The following RNF220 variants were observed in gnomAD, a reference collection of about 807,000 sequenced individuals.
RNF220 encodes the protein E3 ubiquitin-protein ligase RNF220.
Under a neutral mutation model 67.1 loss-of-function variants are expected in RNF220, and 7 were observed. The ratio of observed to expected loss-of-function variants is 0.10; its 90% CI spans 0.06 to 0.20. The LOEUF (loss-of-function observed/expected upper bound fraction) is 0.20, where lower values mean the gene tolerates loss of function less well. RNF220 is among the 10% of genes least tolerant of loss of function. The pLI is 1.00. For missense variants in RNF220, 565 were observed against 740.3 expected, an observed-to-expected ratio of 0.76 and a Z score of 2.75; for synonymous variants, 270 against 283.2, an observed-to-expected ratio of 0.95 and a Z score of 0.47.
At position 44,621,580 on chromosome 1, in the gene RNF220, C is replaced by T. The variant is rs1386548976; in HGVS notation, c.759-1162C>T. On this transcript the variant is annotated intron_variant, in intron 3 of 14. Transcript: ENST00000361799. The surrounding 1 kb of genome is among the most constrained non-coding windows in gnomAD (Gnocchi z 4.8). ...GTGCAGGTGAACATCCCTTCCCCTTCTCCCCTGTCCCCCACTGAGAGTCAC... is the reference window on the plus strand; with the variant it reads ...GTGCAGGTGAACATCCCTTCCCCTTTTCCCCTGTCCCCCACTGAGAGTCAC... Among the ~76,000 whole-genome samples the T allele has an allele frequency of 6.6e-6, 1 of 152,202 alleles. No homozygotes were observed. Among genetic ancestry groups the T allele is most frequent in the East Asian group, 1.9e-4 (1 of 5,194 alleles).
intron 8 of RNF220, among the ~76,000 whole-genome samples, chr1:44,639,781 CTTT>C (rs1381149075): frequency 6.6e-6 from 1 of 152,112 alleles, no homozygotes; most frequent in Non-Finnish European, 1.5e-5. Context: ...TTTTCTTTTC[CTTT>C]TTATTTATTT....
At chr1:44,607,098 C>G (rs1667319420) in intron 2 of RNF220, among the ~76,000 whole-genome samples, 2 of 152,198 alleles carry the variant, frequency 1.3e-5, no homozygotes, top group African/African-American at 4.8e-5. Flanking sequence ...CACGTCCAAT[C>G]CATCTGCCTC....
At chr1:44,509,828 A>G (rs1170163194) in intron 2 of RNF220, among the ~76,000 whole-genome samples, 1 of 132,966 alleles carries the variant, frequency 7.5e-6, no homozygotes, top group African/African-American at 2.7e-5. Flanking sequence ...CAGAGGCTGC[A>G]GTGAGCCAAG....
At position 44,434,855 on chromosome 1, in the gene RNF220, TA is replaced by T. The variant is rs77667821; in HGVS notation, c.625+22148del. On this transcript the variant is annotated intron_variant, in intron 2 of 14. Transcript: ENST00000361799. ...GGGCAACATAGCAACACTCCATTTC[TA>T]AAAAAAAAAAAAAATTAAAAATTAG... Among the ~76,000 whole-genome samples, 647 of 139,010 alleles carry T rather than the reference TA, an allele frequency of 4.7e-3. 6 individuals are homozygous for T. The highest frequency in any genetic ancestry group is 3.8e-3 in the Middle Eastern group (1 of 264). 91.2% of individuals were successfully genotyped at this position (139,010 alleles called of 152,430 possible).
intron 3 of RNF220, among the ~76,000 whole-genome samples, chr1:44,617,002 A>C (rs1643582179): frequency 6.6e-6 from 1 of 150,776 alleles, no homozygotes; most frequent in East Asian, 2.0e-4. Flanking sequence ...CCCCGTGTCC[A>C]TTTCCCCACC....
rs567265800 is a variant in RNF220, at chr1:44,639,327, T to C, written c.1126+3165T>C. Among the ~76,000 whole-genome samples the C allele has an allele frequency of 3.3e-5, 5 of 152,348 alleles. No homozygotes were observed. In the East Asian group the frequency reaches 7.7e-4, roughly 23 times the overall value. On this transcript the variant is annotated intron_variant, in intron 8 of 14. Coordinates refer to ENST00000361799, the MANE Select transcript of RNF220 (RefSeq NM_018150.4). The stretch of plus-strand genomic sequence containing the variant: ...AACCATGGTCCCTCCTGTGTGTTGG[T>C]TGCCAGTGAGAGTTCACCCAACTGC...
intron 2 of RNF220, among the ~76,000 whole-genome samples, chr1:44,478,010 G>T (rs1023560819): frequency 2.0e-5 from 3 of 152,010 alleles, no homozygotes; most frequent in Non-Finnish European, 4.4e-5. Context: ...ACAGGGTCTC[G>T]CTCTGTCACC....
chr1:44,563,010 C>T (rs1663703728), intron 2 of RNF220, among the ~76,000 whole-genome samples: 1 of 152,210 alleles, frequency 6.6e-6, no homozygotes, highest in Admixed American at 6.6e-5. Flanking sequence ...AGACACTACC[C>T]TGTAACCAAA....
intron 2 of RNF220, among the ~76,000 whole-genome samples, chr1:44,601,517 G>A (rs1666917018): frequency 6.6e-6 from 1 of 152,132 alleles, no homozygotes; most frequent in African/African-American, 2.4e-5. Context: ...AGGGAACATA[G>A]GCAGGATTGG....
intron 2 of RNF220, among the ~76,000 whole-genome samples, chr1:44,463,063 G>T (rs1288497687): frequency 6.6e-6 from 1 of 150,406 alleles, no homozygotes; most frequent in Non-Finnish European, 1.5e-5. Context: ...AAGGCCGGGC[G>T]CAGTGGCTCA....
chr1:44,557,147 T>TAAA (rs1663165518), intron 2 of RNF220, among the ~76,000 whole-genome samples: 4 of 146,604 alleles, frequency 2.7e-5, no homozygotes, highest in Non-Finnish European at 6.0e-5. Flanking sequence ...TATACGTATG[T>TAAA]ATATATAATA....
intron 2 of RNF220, among the ~76,000 whole-genome samples, chr1:44,468,641 C>T (rs1416522427): frequency 6.6e-6 from 1 of 152,118 alleles, no homozygotes; most frequent in Non-Finnish European, 1.5e-5. Context: ...AGGCCAGGCG[C>T]AGTGGCTCAT....
intron 2 of RNF220, among the ~76,000 whole-genome samples, chr1:44,542,654 T>C (rs1421650297): frequency 6.6e-6 from 1 of 152,088 alleles, no homozygotes; most frequent in Non-Finnish European, 1.5e-5. Flanking sequence ...GGGCTGCACT[T>C]CAGGGTGATC....
intron 2 of RNF220, among the ~76,000 whole-genome samples, chr1:44,459,147 A>G (rs534245717): frequency 1.3e-5 from 2 of 152,192 alleles, no homozygotes; most frequent in East Asian, 1.9e-4. Context: ...AGGAAGTTCA[A>G]TAAATTTCTG....
In RNF220 at chr1:44,624,882, G is replaced by A. The variant is rs1338693482; in HGVS notation, c.805-1415G>A. Among the ~76,000 whole-genome samples the A allele has an allele frequency of 3.3e-5, 5 of 152,246 alleles. No individual in the cohort carries two copies. The highest frequency in any genetic ancestry group is 5.9e-5 in the Non-Finnish European group (4 of 68,042). On this transcript the variant is annotated intron_variant, in intron 4 of 14. Transcript: ENST00000361799. The surrounding 1 kb of genome is among the most constrained non-coding windows in gnomAD (Gnocchi z 4.2). ...AATGAGGCGAAGAGCCAGGCAAAAA[G>A]TCATGATTTAATGCCGGGATTTTTT...
At chr1:44,456,370 GT>G (rs1164167169) in intron 2 of RNF220, among the ~76,000 whole-genome samples, 2 of 152,188 alleles carry the variant, frequency 1.3e-5, no homozygotes, top group African/African-American at 4.8e-5. Flanking sequence ...TTAACTATGA[GT>G]TTAGTCCTTC....
chr1:44,589,265 T>C (rs901241484), intron 2 of RNF220, among the ~76,000 whole-genome samples: 11 of 152,186 alleles, frequency 7.2e-5, no homozygotes, highest in Non-Finnish European at 1.5e-4. Context: ...CTTCGGCAAG[T>C]CACCATGTTT....
rs766578061 is a variant in RNF220, at chr1:44,432,826, T to C, written c.625+20104T>C. Among the ~76,000 whole-genome samples the C allele has an allele frequency of 7.0e-4, 107 of 152,096 alleles. 1 individual carries two copies. Among genetic ancestry groups the C allele is most frequent in the Non-Finnish European group, 6.0e-4 (41 of 68,016 alleles). On this transcript the variant is annotated intron_variant, in intron 2 of 14. Coordinates refer to ENST00000361799, the MANE Select transcript of RNF220 (RefSeq NM_018150.4). ...TATTTCTCCCCACAGAAATATTTTG[T>C]TGGTATAAGTTTGAAAAAAATGCTG...
intron 2 of RNF220, among the ~76,000 whole-genome samples, chr1:44,476,138 G>A (rs1443598649): frequency 1.3e-5 from 2 of 152,012 alleles, no homozygotes; most frequent in Non-Finnish European, 2.9e-5. Flanking sequence ...TATTTGGTAA[G>A]CTATAAAGAA....
Sources: gnomAD v4.1 joint callset for allele counts (sites outside exome capture counted in the v4.1 genomes callset) on GRCh38, gnomAD v4.1.1 for gene constraint, Gnocchi (gnomAD v3.1) non-coding constraint, MANE v1.5 for transcripts, NCBI Gene and HGNC (gene_info 2026-07-23, HGNC 2026-07-21) for gene names.